STK32C: variants seen among roughly 807,000 people sequenced by gnomAD.
STK32C encodes serine/threonine-protein kinase 32C.
STK32C carries 31 observed loss-of-function variants against 56.5 expected under a neutral mutation model. The observed-to-expected ratio is 0.55, with a 90% CI of 0.41 to 0.74. The LOEUF is 0.74. Among genes scored for constraint, STK32C ranks in the 30% least tolerant of loss-of-function variants. STK32C has a pLI of 0.00. For missense variants in STK32C, 544 were observed against 676.9 expected, an observed-to-expected ratio of 0.80 and a Z score of 2.18; for synonymous variants, 309 against 289.4, an observed-to-expected ratio of 1.07 and a Z score of -0.69.
intron 10 of STK32C, among the ~76,000 whole-genome samples, chr10:132,220,305 G>A (rs373293679): frequency 3.3e-5 from 5 of 152,244 alleles, no homozygotes; most frequent in Non-Finnish European, 7.3e-5. Context: ...TCTACCGGAG[G>A]GTAGAGGGGC....
At position 132,224,444 on chromosome 10, in the gene STK32C, G is replaced by A. The variant is rs1184298663; in HGVS notation, c.956C>T (p.Pro319Leu). Reference sequence around the variant, plus strand: ...GGCCACCATCTCCTTGGACCACGTGGGGACATACTGGACGCTCACGGTGCT... The same window carrying A: ...GGCCACCATCTCCTTGGACCACGTGAGGACATACTGGACGCTCACGGTGCT... ...LFSTVSVQYVPTWSKEMVALL... is the reference protein window; with the variant it reads ...LFSTVSVQYVLTWSKEMVALL... Residue 319 changes from proline (P) to leucine (L), a missense_variant, in exon 8 of 12, where the codon CCC (proline) becomes CTC (leucine). By Grantham distance (98) the Pro-to-Leu change is moderately conservative. Transcript: ENST00000298630. 1.9e-6 allele frequency: 3 copies of A among 1,560,670 alleles called. No individual in the cohort carries two copies. The highest frequency in any genetic ancestry group is 1.4e-5 in the African/African-American group (1 of 73,852).
At chr10:132,257,339 C>T (rs531149887) in intron 1 of STK32C, among the ~76,000 whole-genome samples, 12 of 151,912 alleles carry the variant, frequency 7.9e-5, no homozygotes, top group African/African-American at 2.9e-4. Flanking sequence ...ACACCCGTGC[C>T]ACTGTCTCCC....
intron 1 of STK32C, chr10:132,248,999 AC>A (rs777307235): frequency 2.2e-6 from 1 of 462,438 alleles, no homozygotes; most frequent in South Asian, 1.5e-5. Context: ...TAAGGGAGTC[AC>A]GGCAATTGGG....
At chr10:132,327,449 G>A (rs1208145634) in intron 1 of STK32C, among the ~76,000 whole-genome samples, 1 of 151,892 alleles carries the variant, frequency 6.6e-6, no homozygotes, top group African/African-American at 2.4e-5. Context: ...CCCCAACCAT[G>A]GCTACAATAG....
chr10:132,300,564 G>A (rs2065883241), intron 1 of STK32C, among the ~76,000 whole-genome samples: 1 of 152,254 alleles, frequency 6.6e-6, no homozygotes, highest in Admixed American at 6.5e-5. Context: ...GATGAAGCAG[G>A]CATACCATAC....
chr10:132,290,029 G>T (rs988652955), intron 1 of STK32C, among the ~76,000 whole-genome samples: 12 of 152,148 alleles, frequency 7.9e-5, no homozygotes, highest in African/African-American at 2.9e-4. Flanking sequence ...CTTGAAAACC[G>T]TATGGTCATC....
At chr10:132,304,675 T>G (rs536805103) in intron 1 of STK32C, among the ~76,000 whole-genome samples, 2 of 152,354 alleles carry the variant, frequency 1.3e-5, no homozygotes, top group Admixed American at 1.3e-4. Context: ...AAGTATAGAA[T>G]GTTTTTAAAT....
chr10:132,284,308 TG>T (rs1236144027), intron 1 of STK32C, among the ~76,000 whole-genome samples: 1 of 40,556 alleles, frequency 2.5e-5, no homozygotes, highest in African/African-American at 1.1e-4. Context: ...CAGGTGAGGT[TG>T]GGGGGGCAGG....
chr10:132,291,491 G>A (rs936908630), intron 1 of STK32C, among the ~76,000 whole-genome samples: 1 of 152,180 alleles, frequency 6.6e-6, no homozygotes, highest in African/African-American at 2.4e-5. Context: ...CTAGAGGCAC[G>A]GTCACCTGCA....
chr10:132,315,873 T>C lies in STK32C; in HGVS notation c.301+15563A>G, dbSNP rs1473571800. ...GATTGAAATAATATATAATGTGTTATCTGAACACAATGAAATTAAGCATCA... is the reference window on the plus strand; with the variant it reads ...GATTGAAATAATATATAATGTGTTACCTGAACACAATGAAATTAAGCATCA... On this transcript the variant is annotated intron_variant, in intron 1 of 3. Transcript: ENST00000368620. 2.0e-5 allele frequency among the ~76,000 whole-genome samples: 3 copies of C among 152,240 alleles called. No homozygotes were observed. In the East Asian group the frequency reaches 5.8e-4, roughly 29 times the overall value.
intron 1 of STK32C, among the ~76,000 whole-genome samples, chr10:132,267,284 A>G (rs1185432313): frequency 6.6e-6 from 1 of 152,212 alleles, no homozygotes; most frequent in Non-Finnish European, 1.5e-5. Flanking sequence ...TGCACAGCCC[A>G]GCATTCACTT....
chr10:132,242,173 G>A (rs1329248014), intron 2 of STK32C, among the ~76,000 whole-genome samples: 1 of 151,886 alleles, frequency 6.6e-6, no homozygotes, highest in Admixed American at 6.6e-5. Context: ...TGCCCTGATC[G>A]TGAATGAGGC....
intron 10 of STK32C, among the ~76,000 whole-genome samples, chr10:132,211,942 G>A (rs116516645): frequency 0.013 from 1,907 of 152,108 alleles, 45 homozygotes; most frequent in African/African-American, 0.043. Flanking sequence ...ACTGGACCAG[G>A]AATCCCCATC....
intron 1 of STK32C, among the ~76,000 whole-genome samples, chr10:132,285,134 C>T (rs1217237244): frequency 1.3e-5 from 2 of 150,994 alleles, no homozygotes; most frequent in South Asian, 4.3e-4. Flanking sequence ...GGCATGAACC[C>T]GGAACACATT....
At chr10:132,283,065 G>A (rs1336452105) in intron 1 of STK32C, among the ~76,000 whole-genome samples, 1 of 152,250 alleles carries the variant, frequency 6.6e-6, no homozygotes, top group African/African-American at 2.4e-5. Flanking sequence ...GCCAACCCGG[G>A]GGCAGCAGAG....
At position 132,307,452 on chromosome 10, in the gene STK32C, C is replaced by T. The variant is rs1045959719; in HGVS notation, c.262+120G>A. On this transcript the variant is annotated intron_variant, in intron 1 of 11. Transcript: ENST00000298630. The surrounding 1 kb of genome is among the most constrained non-coding windows in gnomAD (Gnocchi z 4.4). ...ACCCGGCGCGAGCTTCTCCGGAAGC[C>T]GGGGCGCCCCGGGAAGCCGTCCCGG... 2.9e-5 allele frequency: 34 copies of T among 1,168,686 alleles called. No homozygotes were observed. Among genetic ancestry groups the T allele is most frequent in the Non-Finnish European group, 3.6e-5 (32 of 896,116 alleles). The allele number at this position is 1,168,686 out of a possible 1,614,324, so 72.4% of individuals were successfully genotyped here.
At position 132,226,817 on chromosome 10, in the gene STK32C, G is replaced by A. The variant is rs749982793; in HGVS notation, c.622C>T (p.Arg208Cys). The change falls in exon 4 of 12, where the codon CGC (arginine) becomes TGC (cysteine). Residue 208 changes from arginine to cysteine, a missense_variant. This residue lies in a region of STK32C where 85 missense variants were observed against 149.9 expected (regional missense o/e 0.57). Coordinates refer to ENST00000298630, the MANE Select transcript of STK32C (RefSeq NM_173575.4). ...CACCTGTGGATGATGTGCTGGCCGC[G>A]CAGGTAGTCCAGAGCCAGTGCCATC... ...CEMALALDYL[R>C]GQHIIHRDVK... 9.3e-6 allele frequency: 15 copies of A among 1,612,956 alleles called. No homozygotes were observed. Among genetic ancestry groups the A allele is most frequent in the South Asian group, 3.3e-5 (3 of 91,094 alleles).
upstream of STK32C, among the ~76,000 whole-genome samples, chr10:132,312,468 G>T (rs911611599): frequency 2.6e-5 from 4 of 152,164 alleles, no homozygotes; most frequent in Non-Finnish European, 5.9e-5. Context: ...CTTTATCTGT[G>T]TAACTGTGAA....
At position 132,259,024 on chromosome 10, in the gene STK32C, G is replaced by T. The variant is rs143012464; in HGVS notation, c.263-13069C>A. Among the ~76,000 whole-genome samples, 321 of 129,376 alleles carry T rather than the reference G, an allele frequency of 2.5e-3. 1 individual carries two copies. Among genetic ancestry groups the T allele is most frequent in the African/African-American group, 0.01 (297 of 29,388 alleles). 84.9% of individuals were successfully genotyped at this position (129,376 alleles called of 152,430 possible). A position where few individuals can be genotyped will look rare whatever the true frequency, so the allele number is the denominator to read the frequency against. Reference sequence around the variant, plus strand: ...AACACATGAACAGGGCTATAGCTTGGGAGGCTGCTGCACCGGGTACTGGGG... The same window carrying T: ...AACACATGAACAGGGCTATAGCTTGTGAGGCTGCTGCACCGGGTACTGGGG... On this transcript the variant is annotated intron_variant, in intron 1 of 11. Transcript: ENST00000298630.
Sources: allele counts gnomAD v4.1 joint callset (sites outside exome capture counted in the v4.1 genomes callset), GRCh38; gene constraint gnomAD v4.1.1; regional missense constraint gnomAD v4.1.1; non-coding constraint Gnocchi (gnomAD v3.1); transcripts MANE v1.5; gene names NCBI Gene and HGNC (gene_info 2026-07-23, HGNC 2026-07-21).